Variants in AKR1D1 observed in about 807,000 individuals in gnomAD.
AKR1D1 encodes aldo-keto reductase family 1 member D1, also known as delta(4)-3-ketosteroid 5-beta-reductase.
Under a neutral mutation model 42.6 loss-of-function variants are expected in AKR1D1, and 32 were observed. The observed-to-expected ratio is 0.75, with a 90% CI of 0.57 to 1.01. The LOEUF (loss-of-function observed/expected upper bound fraction) is 1.01, where lower values mean the gene tolerates loss of function less well. Ranked by LOEUF, AKR1D1 falls within the 50% of genes least tolerant of loss-of-function variation. AKR1D1 has a pLI of 0.00. For missense variants in AKR1D1, 364 were observed against 402.2 expected (o/e 0.91, Z 0.81); for synonymous variants, 123 against 135.5 (o/e 0.91, Z 0.64).
intron 7 of AKR1D1, among the ~76,000 whole-genome samples, chr7:138,111,175 C>G (rs1416207216): frequency 6.6e-6 from 1 of 152,192 alleles, no homozygotes; most frequent in Non-Finnish European, 1.5e-5. Flanking sequence ...CTTTCCTACA[C>G]TAGCAATTGT....
chr7:138,112,341 A>G (rs1794551977), intron 7 of AKR1D1, among the ~76,000 whole-genome samples: 1 of 152,206 alleles, frequency 6.6e-6, no homozygotes, highest in Non-Finnish European at 1.5e-5. Context: ...ATAATAAATC[A>G]TAAAAGAAAA....
chr7:138,117,018 A>C lies in AKR1D1; in HGVS notation c.*356A>C, dbSNP rs556066002. On this transcript the variant is annotated 3_prime_UTR_variant, in exon 9 of 9. Transcript: ENST00000242375. ...TAGCGTTGGTAATCTGAGTTCTTTA[A>C]GGGTTAACAGGACAACGAAGTGCAT... is the stretch of plus-strand genomic sequence containing the variant. The C allele has an allele frequency of 4.2e-5, 10 of 236,230 alleles. No homozygotes were observed. In the South Asian group the frequency reaches 6.7e-4, roughly 16 times the overall value. The allele number at this position is 236,230 out of a possible 1,614,324, so 14.6% of individuals were successfully genotyped here.
chr7:138,083,047 G>T (rs891284774), intron 1 of AKR1D1, among the ~76,000 whole-genome samples: 1 of 152,130 alleles, frequency 6.6e-6, no homozygotes, highest in Non-Finnish European at 1.5e-5. Flanking sequence ...GGATCATATG[G>T]TAGTTCTATT....
chr7:138,112,609 G>C (rs1794556225), intron 7 of AKR1D1, among the ~76,000 whole-genome samples: 1 of 152,054 alleles, frequency 6.6e-6, no homozygotes, highest in African/African-American at 2.4e-5. Flanking sequence ...AATAAGAATG[G>C]GGTGATGAGT....
Position 138,117,013 on chromosome 7 carries a change from CTTT to C in AKR1D1, c.*352_*354del, listed in dbSNP as rs913573472. 2 of 244,386 alleles carry C rather than the reference CTTT, an allele frequency of 8.2e-6. No homozygotes were observed. Among genetic ancestry groups the C allele is most frequent in the African/African-American group, 4.5e-5 (2 of 44,722 alleles). 15.1% of individuals were successfully genotyped at this position (244,386 alleles called of 1,614,324 possible). A position where few individuals can be genotyped will look rare whatever the true frequency, so the allele number is the denominator to read the frequency against. On this transcript the variant is annotated 3_prime_UTR_variant, in exon 9 of 9. Coordinates refer to ENST00000242375, the MANE Select transcript of AKR1D1 (RefSeq NM_005989.4). Reference sequence around the variant, plus strand: ...GGTAGTAGCGTTGGTAATCTGAGTTCTTTAAGGGTTAACAGGACAACGAAGTGC... The same window carrying C: ...GGTAGTAGCGTTGGTAATCTGAGTTCAAGGGTTAACAGGACAACGAAGTGC...
intron 1 of AKR1D1, among the ~76,000 whole-genome samples, chr7:138,081,070 T>A (rs6467734): frequency 3.9e-5 from 6 of 152,142 alleles, no homozygotes; most frequent in African/African-American, 7.2e-5. Context: ...TGGGCCCTGC[T>A]GCAAAACATA....
intron 4 of AKR1D1, among the ~76,000 whole-genome samples, chr7:138,100,302 A>G: frequency 6.6e-6 from 1 of 151,956 alleles, no homozygotes; most frequent in East Asian, 1.9e-4. Flanking sequence ...AATATCAATA[A>G]TTGCAGTATA....
At position 138,097,907 on chromosome 7, in the gene AKR1D1, G is replaced by A; in HGVS notation, c.420G>A (p.Trp140Ter). 1 of 1,610,092 alleles carries A rather than the reference G, an allele frequency of 6.2e-7. No homozygotes were observed. The highest frequency in any genetic ancestry group is 8.5e-7 in the Non-Finnish European group (1 of 1,178,794). ...EIYPRDENGKWLYHKSNLCAT... is the reference protein window; with the variant it reads ...EIYPRDENGK Reference sequence around the variant, plus strand: ...ACCCTAGAGATGAGAATGGCAAATGGTTATATCACAAGTCAAATCTGTGTG... The same window carrying A: ...ACCCTAGAGATGAGAATGGCAAATGATTATATCACAAGTCAAATCTGTGTG... The change falls in exon 4 of 9, where the codon TGG becomes TGA. Residue 140 changes from tryptophan to a stop codon, truncating the protein, a stop_gained. Transcript: ENST00000242375. LOFTEE classifies it high-confidence loss of function.
chr7:138,106,617 C>T lies in AKR1D1; in HGVS notation c.589C>T (p.His197Tyr). 6.2e-7 allele frequency: 1 copy of T among 1,613,936 alleles called. No individual in the cohort carries two copies. The highest frequency in any genetic ancestry group is 8.5e-7 in the Non-Finnish European group (1 of 1,179,842). The change falls in exon 6 of 9, where the codon CAT becomes TAT. Residue 197 changes from histidine (H) to tyrosine (Y), a missense_variant. Coordinates refer to ENST00000242375, the MANE Select transcript of AKR1D1 (RefSeq NM_005989.4). ...HKPVSNQVECHPYFTQPKLLK... is the reference protein window; with the variant it reads ...HKPVSNQVECYPYFTQPKLLK... ...CAATGCAACCACATAGGTTGAGTGC[C>T]ATCCGTATTTCACCCAGCCAAAACT...
At chr7:138,083,381 C>CAT (rs2117417196) in intron 1 of AKR1D1, among the ~76,000 whole-genome samples, 1 of 152,174 alleles carries the variant, frequency 6.6e-6, no homozygotes, top group East Asian at 1.9e-4. Context: ...ACTTTTTAAT[C>CAT]AGGTTAGGTT....
At chr7:138,084,061 G>C (rs1203879337) in intron 1 of AKR1D1, among the ~76,000 whole-genome samples, 2 of 152,110 alleles carry the variant, frequency 1.3e-5, no homozygotes, top group African/African-American at 2.4e-5. Context: ...GCAGACTCCG[G>C]CTACATAGGT....
intron 5 of AKR1D1, 52 bp downstream of exon 5, chr7:138,105,481 A>C: frequency 6.2e-7 from 1 of 1,611,580 alleles, no homozygotes; most frequent in Non-Finnish European, 8.5e-7. Flanking sequence ...CAGGATTTAC[A>C]TGACACAAAG....
chr7:138,112,383 C>G (rs752010768), intron 7 of AKR1D1, among the ~76,000 whole-genome samples: 1 of 152,060 alleles, frequency 6.6e-6, no homozygotes. Context: ...TGGAAAGAAT[C>G]CATGGAGGGA....
At chr7:138,078,804 T>A (rs111237152) in intron 1 of AKR1D1, among the ~76,000 whole-genome samples, 1 of 152,094 alleles carries the variant, frequency 6.6e-6, no homozygotes, top group African/African-American at 2.4e-5. Flanking sequence ...GAGACTGCTG[T>A]AGTTGCAGCA....
At chr7:138,109,430 A>C (rs1380711894) in intron 7 of AKR1D1, among the ~76,000 whole-genome samples, 1 of 152,170 alleles carries the variant, frequency 6.6e-6, no homozygotes, top group African/African-American at 2.4e-5. Flanking sequence ...TCAATTACTC[A>C]TACTCAGTGA....
chr7:138,090,238 A>T (rs1022773497), intron 2 of AKR1D1, among the ~76,000 whole-genome samples: 4 of 152,168 alleles, frequency 2.6e-5, no homozygotes, highest in African/African-American at 7.2e-5. Context: ...TACTCTCTTC[A>T]TGTTAAATTT....
At chr7:138,111,492 C>T (rs554951105) in intron 7 of AKR1D1, among the ~76,000 whole-genome samples, 1 of 152,306 alleles carries the variant, frequency 6.6e-6, no homozygotes, top group South Asian at 2.1e-4. Context: ...GGTCTTTCAA[C>T]CACATCTGAT....
chr7:138,079,216 C>T (rs1049149666), intron 1 of AKR1D1, among the ~76,000 whole-genome samples: 1 of 152,126 alleles, frequency 6.6e-6, no homozygotes, highest in East Asian at 1.9e-4. Flanking sequence ...CTGGGGAAAA[C>T]AAAGCCTTGC....
rs141910850 is a variant in AKR1D1, at chr7:138,087,435, C to T, written c.94-1166C>T. 3.9e-4 allele frequency among the ~76,000 whole-genome samples: 59 copies of T among 152,174 alleles called. No individual in the cohort carries two copies. In the East Asian group the frequency reaches 0.01, roughly 26 times the overall value. ...AGGATATGCTCATTCTTATGTTTAA[C>T]GTGAGTTAATAAAATGAACAAACCT... On this transcript the variant is annotated intron_variant, in intron 1 of 8. Coordinates refer to ENST00000242375, the MANE Select transcript of AKR1D1 (RefSeq NM_005989.4).
Sources: gnomAD v4.1 joint callset for allele counts (sites outside exome capture counted in the v4.1 genomes callset) on GRCh38, gnomAD v4.1.1 for gene constraint, MANE v1.5 for transcripts, NCBI Gene and HGNC (gene_info 2026-07-23, HGNC 2026-07-21) for gene names.